CRLS1: variants seen among roughly 807,000 people sequenced by gnomAD.
The protein encoded by CRLS1 is cardiolipin synthase 1, also known as cardiolipin synthase (CMP-forming).
A neutral mutation model predicts 37.0 loss-of-function variants in CRLS1; 24 were observed. That is an observed-to-expected ratio of 0.65 (90% CI 0.47 to 0.91). CRLS1 has a LOEUF of 0.91. Ranked by LOEUF, CRLS1 falls within the 40% of genes least tolerant of loss-of-function variation. The pLI, the probability that CRLS1 is intolerant of heterozygous loss-of-function variation, is 0.00. For missense variants in CRLS1, 373 were observed against 395.8 expected, an observed-to-expected ratio of 0.94 and a Z score of 0.49; for synonymous variants, 135 against 159.7, an observed-to-expected ratio of 0.85 and a Z score of 1.17.
intron 3 of CRLS1, among the ~76,000 whole-genome samples, chr20:6,022,008 A>G (rs1450941874): frequency 1.3e-5 from 2 of 152,182 alleles, no homozygotes; most frequent in African/African-American, 4.8e-5. Context: ...TCTTAAACTC[A>G]CAGATATTGT....
intron 3 of CRLS1, among the ~76,000 whole-genome samples, chr20:6,019,164 G>A (rs1979007406): frequency 6.6e-6 from 1 of 152,052 alleles, no homozygotes. Flanking sequence ...GTTTTCTTTA[G>A]GGCAGAGTTT....
At position 6,031,265 on chromosome 20, in the gene CRLS1, A is replaced by G. The variant is rs1423669225; in HGVS notation, c.575-20A>G. ...ACTCTTCAGAATCCCAGTTAAAATTATTTTATGTTTGATTTTCAGTTCCAC... is the reference window on the plus strand; with the variant it reads ...ACTCTTCAGAATCCCAGTTAAAATTGTTTTATGTTTGATTTTCAGTTCCAC... On this transcript the variant is annotated intron_variant, in intron 3 of 6. Transcript: ENST00000378863. 1 of 1,544,734 alleles carries G rather than the reference A, an allele frequency of 6.5e-7. No individual in the cohort carries two copies.
At chr20:6,007,756 T>G (rs1380438703) in intron 1 of CRLS1, among the ~76,000 whole-genome samples, 1 of 152,236 alleles carries the variant, frequency 6.6e-6, no homozygotes, top group Non-Finnish European at 1.5e-5. Context: ...TGATCAGTAT[T>G]TGACTTATTC....
chr20:6,031,434 A>C, intron 4 of CRLS1, 64 bp downstream of exon 4: 1 of 1,299,412 alleles, frequency 7.7e-7, no homozygotes, highest in Non-Finnish European at 1.1e-6. Context: ...AAGCAAAAAG[A>C]CATATTTTTG....
Position 6,006,424 on chromosome 20 carries a change from C to T in CRLS1, c.178C>T (p.Leu60=), listed in dbSNP as rs886741673. 2.1e-6 allele frequency: 3 copies of T among 1,407,716 alleles called. No individual in the cohort carries two copies. Among genetic ancestry groups the T allele is most frequent in the African/African-American group, 3.0e-5 (2 of 67,172 alleles). 87.2% of individuals were successfully genotyped at this position (1,407,716 alleles called of 1,614,324 possible). ...GCGTCCGGCCGCTCTTGGCTTGCGG[C>T]TGCCCGGGATCGGCCAGCGGAACCA... is the stretch of plus-strand genomic sequence containing the variant. ...RLRPAALGLR[L]PGIGQRNHCS... The change falls in exon 1 of 7, where the codon CTG becomes TTG. Residue 60 remains leucine, a synonymous_variant. Coordinates refer to ENST00000378863, the MANE Select transcript of CRLS1 (RefSeq NM_019095.6).
intron 1 of CRLS1, among the ~76,000 whole-genome samples, chr20:6,008,299 G>GACACAGCGGAGAAAAAAA (rs1445324711): frequency 1.3e-5 from 2 of 152,096 alleles, no homozygotes; most frequent in Non-Finnish European, 2.9e-5. Context: ...TGGCAGTCTT[G>GACACAGCGGAGAAAAAAA]ACACAGCGGA....
rs2090053728 is a variant in CRLS1 at position 6,006,336 on chromosome 20, C to T, written c.90C>T (p.Ala30=). The stretch of plus-strand genomic sequence containing the variant: ...GAACGCGGCCGAGTAAGCGACGCGC[C>T]TGCTGGGCCCTGCTGCCGCCCGTGC... The part of the protein sequence containing the change: ...APGTRPSKRR[A]CWALLPPVPC... The change falls in exon 1 of 7, where the codon GCC becomes GCT. Residue 30 remains alanine (A), a synonymous_variant. Transcript: ENST00000378863. 4 of 1,365,092 alleles carry T rather than the reference C, an allele frequency of 2.9e-6. 1 individual carries two copies. The South Asian group carries it at 5.2e-5, about 18-fold the overall frequency. The allele number at this position is 1,365,092 out of a possible 1,614,324, so 84.6% of individuals were successfully genotyped here.
chr20:6,033,805 A>T (rs1337891953), intron 5 of CRLS1, among the ~76,000 whole-genome samples: 1 of 152,104 alleles, frequency 6.6e-6, no homozygotes, highest in Non-Finnish European at 1.5e-5. Flanking sequence ...TCAGCCCCCC[A>T]AGTAGCTGAG....
chr20:6,006,116 G>A, upstream of CRLS1: 1 of 442,124 alleles, frequency 2.3e-6, no homozygotes, highest in Non-Finnish European at 3.6e-6. Context: ...GCTGGGGTGT[G>A]TAAAGTAGTA....
intron 3 of CRLS1, among the ~76,000 whole-genome samples, chr20:6,022,991 A>G (rs1165653058): frequency 1.3e-5 from 2 of 151,954 alleles, no homozygotes; most frequent in Admixed American, 1.3e-4. Flanking sequence ...TGGGTTTACT[A>G]TTTTTCATTT....
chr20:6,007,309 T>G, intron 1 of CRLS1: 1 of 1,585,108 alleles, frequency 6.3e-7, no homozygotes, highest in Non-Finnish European at 8.6e-7. Flanking sequence ...ACTCCACTGA[T>G]AGCTAAAGCA....
In CRLS1 at chr20:6,006,150, C is replaced by G. The variant is rs796463285; in HGVS notation, c.-97C>G. Reference sequence around the variant, plus strand: ...TATGGAGGCAGCGGTAGCCCAGTGTCTGAGTGGTTGCCGGGTCTCCATGGA... The same window carrying G: ...TATGGAGGCAGCGGTAGCCCAGTGTGTGAGTGGTTGCCGGGTCTCCATGGA... On this transcript the variant is annotated 5_prime_UTR_variant, in exon 1 of 7. Transcript: ENST00000378863. 111 of 594,038 alleles carry G rather than the reference C, an allele frequency of 1.9e-4. 1 individual carries two copies. The African/African-American group carries it at 1.9e-3, about 10-fold the overall frequency. The allele number at this position is 594,038 out of a possible 1,614,324, so 36.8% of individuals were successfully genotyped here.
chr20:6,008,088 T>A (rs1027263656), intron 1 of CRLS1, among the ~76,000 whole-genome samples: 5 of 108,586 alleles, frequency 4.6e-5, no homozygotes, highest in Admixed American at 9.3e-5. Flanking sequence ...CTTTAGAGAA[T>A]ACTTTTTTTT....
chr20:6,024,481 C>T, intron 3 of CRLS1, among the ~76,000 whole-genome samples: 1 of 152,168 alleles, frequency 6.6e-6, no homozygotes, highest in East Asian at 1.9e-4. Flanking sequence ...ACTGCTCCAC[C>T]AATCTGTGGG....
chr20:6,006,585 C>A, intron 1 of CRLS1, 33 bp downstream of exon 1: 1 of 1,253,298 alleles, frequency 8.0e-7, no homozygotes, highest in South Asian at 3.1e-5. Context: ...CGGGCCGGCC[C>A]TGGGCTGGGG....
chr20:6,006,773 C>T (rs887150264), intron 1 of CRLS1: 1 of 985,440 alleles, frequency 1.0e-6, no homozygotes, highest in Non-Finnish European at 1.2e-6. Context: ...GAAATCCTCT[C>T]ATCCCCCTTC....
In CRLS1 at chr20:6,007,284, C is replaced by G. The variant is rs1008477364; in HGVS notation, c.306+732C>G. The G allele has an allele frequency of 1.9e-6, 3 of 1,561,108 alleles. No homozygotes were observed. In the Admixed American group the frequency reaches 5.8e-5, roughly 30 times the overall value. ...CAGCATGGGTTGAGGTGGCCAGATC[C>G]TGGCAGGGGTCTCAACTCCACTGAT... On this transcript the variant is annotated intron_variant, in intron 1 of 6. Transcript: ENST00000378863.
At chr20:6,012,303 G>A (rs1207462015) in intron 2 of CRLS1, among the ~76,000 whole-genome samples, 1 of 152,216 alleles carries the variant, frequency 6.6e-6, no homozygotes, top group Non-Finnish European at 1.5e-5. Flanking sequence ...TGGAAGCTGA[G>A]TAAGTGGTTA....
intron 3 of CRLS1, among the ~76,000 whole-genome samples, chr20:6,016,454 G>GGGGT (rs1555793596): frequency 7.0e-5 from 8 of 114,518 alleles, no homozygotes; most frequent in Non-Finnish European, 1.6e-4. Context: ...GGGGAATGGG[G>GGGGT]GTGTGTGTGT....
Sources: gnomAD v4.1 joint callset for allele counts (sites outside exome capture counted in the v4.1 genomes callset) on GRCh38, gnomAD v4.1.1 for gene constraint, MANE v1.5 for transcripts, NCBI Gene and HGNC (gene_info 2026-07-23, HGNC 2026-07-21) for gene names.